PKHD1: variants seen among roughly 807,000 people sequenced by gnomAD.
The protein encoded by PKHD1 is PKHD1 ciliary IPT domain containing fibrocystin/polyductin, also known as fibrocystin.
PKHD1 carries 291 observed loss-of-function variants against 412.0 expected under a neutral mutation model. The observed-to-expected ratio is 0.71, with a 90% CI of 0.64 to 0.78. PKHD1 has a LOEUF of 0.78. PKHD1 is among the 30% of genes least tolerant of loss of function. PKHD1 has a pLI of 0.00. For missense variants in PKHD1, 4,825 were observed against 4,950.7 expected (o/e 0.97, Z 0.76); for synonymous variants, 1,777 against 1,821.5 (o/e 0.98, Z 0.62).
At chr6:51,897,626 T>C (rs1562563535) in intron 43 of PKHD1, among the ~76,000 whole-genome samples, 1 of 145,754 alleles carries the variant, frequency 6.9e-6, no homozygotes, top group African/African-American at 2.6e-5. Flanking sequence ...AATCACCAGC[T>C]AACATCATAA....
At chr6:51,736,270 A>G (rs143771262) in intron 60 of PKHD1, among the ~76,000 whole-genome samples, 3 of 152,342 alleles carry the variant, frequency 2.0e-5, no homozygotes, top group Non-Finnish European at 4.4e-5. Flanking sequence ...GCCTGTTCAT[A>G]TCATCTTTTA....
chr6:51,642,863 T>C (rs1020633942), intron 63 of PKHD1, among the ~76,000 whole-genome samples: 2 of 151,930 alleles, frequency 1.3e-5, no homozygotes, highest in Non-Finnish European at 2.9e-5. Context: ...GTATGGACTA[T>C]ACATAGGGTA....
At chr6:51,719,884 T>G (rs188068634) in intron 60 of PKHD1, among the ~76,000 whole-genome samples, 1 of 152,274 alleles carries the variant, frequency 6.6e-6, no homozygotes, top group East Asian at 1.9e-4. Flanking sequence ...CTGACATATA[T>G]GCCATGTCTC....
rs781456558 is a variant in PKHD1, at chr6:51,747,781, T to C, written c.9829+6A>G. ...GGCACTGCCTAGATAAAATAAAACA[T>C]CCTACCTTGAAGTTTCATGATTCCT... is the stretch of plus-strand genomic sequence containing the variant. On this transcript the variant is annotated splice_donor_region_variant and intron_variant, in intron 58 of 66. Coordinates refer to ENST00000371117, the MANE Select transcript of PKHD1 (RefSeq NM_138694.4). The C allele has an allele frequency of 1.2e-5, 20 of 1,612,144 alleles. No individual in the cohort carries two copies. Among genetic ancestry groups the C allele is most frequent in the Non-Finnish European group, 1.7e-5 (20 of 1,178,544 alleles).
At chr6:51,815,571 G>A (rs1302546211) in intron 52 of PKHD1, among the ~76,000 whole-genome samples, 1 of 152,122 alleles carries the variant, frequency 6.6e-6, no homozygotes, top group Non-Finnish European at 1.5e-5. Context: ...CATCCAAGAA[G>A]AATGAGTAGA....
intron 50 of PKHD1, among the ~76,000 whole-genome samples, 170 bp downstream of exon 50, chr6:51,847,605 C>T (rs1245472556): frequency 6.6e-6 from 1 of 152,186 alleles, no homozygotes. Context: ...AGTGTTGGAG[C>T]TGGGATTTAA....
In PKHD1 at chr6:51,754,876, G is replaced by A; in HGVS notation, c.8705C>T (p.Ser2902Phe). 6.2e-7 allele frequency: 1 copy of A among 1,613,150 alleles called. No individual in the cohort carries two copies. The highest frequency in any genetic ancestry group is 8.5e-7 in the Non-Finnish European group (1 of 1,179,140). Residue 2902 changes from serine (S) to phenylalanine (F), a missense_variant, in exon 56 of 67, where the codon TCT becomes TTT. Ser to Phe is a radical substitution (Grantham distance 155, BLOSUM62 -2). Coordinates refer to ENST00000371117, the MANE Select transcript of PKHD1 (RefSeq NM_138694.4). ...PHDKIVLSSSSYEPHEAEVLT... is the reference protein window; with the variant it reads ...PHDKIVLSSSFYEPHEAEVLT... The stretch of plus-strand genomic sequence containing the variant: ...GACCTCTGCTTCATGAGGCTCATAA[G>A]AAGAGGAGCTAAGGACTATTTTGTC...
At chr6:51,715,227 T>C (rs147288847) in intron 60 of PKHD1, among the ~76,000 whole-genome samples, 117 of 152,228 alleles carry the variant, frequency 7.7e-4, no homozygotes, top group Non-Finnish European at 1.5e-3. Context: ...TCATGCCCAT[T>C]TTTCCAATGA....
intron 35 of PKHD1, among the ~76,000 whole-genome samples, chr6:51,988,365 C>A (rs1050779544): frequency 3.3e-5 from 5 of 152,132 alleles, no homozygotes; most frequent in Non-Finnish European, 5.9e-5. Flanking sequence ...ATAATTAATT[C>A]TATTGGCAAA....
chr6:51,758,818 ATACT>A (rs1582505624), intron 55 of PKHD1, among the ~76,000 whole-genome samples: 2 of 152,160 alleles, frequency 1.3e-5, no homozygotes, highest in East Asian at 1.9e-4. Context: ...CAAAAATATA[ATACT>A]TATTATTTAC....
chr6:51,804,438 G>C (rs1040090179), intron 52 of PKHD1, among the ~76,000 whole-genome samples: 1 of 144,004 alleles, frequency 6.9e-6, no homozygotes, highest in Admixed American at 7.5e-5. Context: ...GCACATAAAA[G>C]GCATTCAATT....
At chr6:52,019,114 A>C (rs955484658) in intron 33 of PKHD1, among the ~76,000 whole-genome samples, 1 of 152,190 alleles carries the variant, frequency 6.6e-6, no homozygotes, top group Non-Finnish European at 1.5e-5. Context: ...GCTCCACATG[A>C]GATGGTTTAG....
chr6:51,810,764 G>A (rs191792069), intron 52 of PKHD1, among the ~76,000 whole-genome samples: 10 of 152,250 alleles, frequency 6.6e-5, no homozygotes, highest in South Asian at 4.1e-4. Flanking sequence ...GGCACTGCAC[G>A]TGACAAGGGG....
chr6:51,746,973 A>G, intron 58 of PKHD1, 84 bp from the exon 59 acceptor site: 1 of 819,096 alleles, frequency 1.2e-6, no homozygotes, highest in Non-Finnish European at 2.0e-6. Context: ...AAATATTGTT[A>G]TAATAATGTA....
intron 52 of PKHD1, among the ~76,000 whole-genome samples, chr6:51,817,433 A>G (rs1765650209): frequency 6.6e-6 from 1 of 152,094 alleles, no homozygotes; most frequent in South Asian, 2.1e-4. Flanking sequence ...ATTTCTCAAG[A>G]AGAAGGAGCT....
At chr6:51,973,790 T>C (rs1210303237) in intron 35 of PKHD1, among the ~76,000 whole-genome samples, 4 of 152,242 alleles carry the variant, frequency 2.6e-5, no homozygotes, top group Non-Finnish European at 4.4e-5. Flanking sequence ...GGCTCTGTTT[T>C]GCTTTAAGAA....
At chr6:51,937,293 T>C (rs1206283475) in intron 36 of PKHD1, among the ~76,000 whole-genome samples, 1 of 152,246 alleles carries the variant, frequency 6.6e-6, no homozygotes, top group Non-Finnish European at 1.5e-5. Flanking sequence ...TATTGATTGA[T>C]GTCTTACCTC....
chr6:51,809,466 T>TC (rs1211365133), intron 52 of PKHD1, among the ~76,000 whole-genome samples: 1 of 152,068 alleles, frequency 6.6e-6, no homozygotes, highest in Non-Finnish European at 1.5e-5. Flanking sequence ...AGACCAATCC[T>TC]CCCCAAAATA....
chr6:51,663,578 T>G (rs1252937226), intron 60 of PKHD1, among the ~76,000 whole-genome samples: 3 of 152,144 alleles, frequency 2.0e-5, no homozygotes, highest in African/African-American at 7.2e-5. Flanking sequence ...ACATTCTACC[T>G]CAAGCACAGT....
Sources: gnomAD v4.1 joint callset for allele counts (sites outside exome capture counted in the v4.1 genomes callset) on GRCh38, gnomAD v4.1.1 for gene constraint, MANE v1.5 for transcripts, NCBI Gene and HGNC (gene_info 2026-07-23, HGNC 2026-07-21) for gene names.